The following CCDC171 variants were observed in gnomAD, a reference collection of about 807,000 sequenced individuals.
The protein encoded by CCDC171 is coiled-coil domain-containing protein 171.
Under a neutral mutation model 168.2 loss-of-function variants are expected in CCDC171, and 177 were observed. The observed-to-expected ratio is 1.05, with a 90% CI of 0.93 to 1.19. CCDC171 has a LOEUF of 1.19. Ranked by LOEUF, CCDC171 falls within the 50% of genes most tolerant of loss-of-function variation. The pLI is 0.00. For missense variants in CCDC171, 1,991 were observed against 1,539.0 expected (o/e 1.29, Z -4.91); for synonymous variants, 687 against 540.8 (o/e 1.27, Z -3.75).
At chr9:15,914,545 G>A (rs969233544) in intron 24 of CCDC171, among the ~76,000 whole-genome samples, 1 of 152,182 alleles carries the variant, frequency 6.6e-6, no homozygotes, top group Non-Finnish European at 1.5e-5. Flanking sequence ...TGTGCTGGCA[G>A]CGAGAATTTC....
intron 2 of CCDC171, among the ~76,000 whole-genome samples, chr9:15,566,602 T>G (rs2039751215): frequency 6.6e-6 from 1 of 152,162 alleles, no homozygotes; most frequent in Non-Finnish European, 1.5e-5. Flanking sequence ...TATGCAAACA[T>G]TTTTCTCCTG....
chr9:15,980,287 A>G (rs1831751102), intron 3 of CCDC171, among the ~76,000 whole-genome samples: 1 of 152,208 alleles, frequency 6.6e-6, no homozygotes, highest in Non-Finnish European at 1.5e-5. Flanking sequence ...TTCAAACAAC[A>G]ACTGGACTTT....
chr9:16,004,347 A>G (rs996068182), intron 3 of CCDC171, among the ~76,000 whole-genome samples: 6 of 152,326 alleles, frequency 3.9e-5, no homozygotes, highest in Admixed American at 6.5e-5. Flanking sequence ...AGAAAGAAAG[A>G]TGATTTTTTT....
intron 7 of CCDC171, among the ~76,000 whole-genome samples, chr9:15,639,095 A>C (rs1241407497): frequency 6.6e-6 from 1 of 152,060 alleles, no homozygotes. Flanking sequence ...CTTTCTCTAA[A>C]TGCGTACTAT....
downstream of CCDC171, among the ~76,000 whole-genome samples, chr9:16,064,183 GATAAC>G (rs1833966564): frequency 1.3e-5 from 2 of 152,154 alleles, no homozygotes; most frequent in African/African-American, 4.8e-5. Context: ...TTCCTGAAAG[GATAAC>G]AAAAGCATGC....
At chr9:15,977,617 G>T (rs1273501077), downstream of CCDC171, among the ~76,000 whole-genome samples, 2 of 152,176 alleles carry the variant, frequency 1.3e-5, no homozygotes, top group Non-Finnish European at 2.9e-5. Flanking sequence ...ATTGAGTCAT[G>T]GTTCATTGTC....
the CCDC171 span, among the ~76,000 whole-genome samples, chr9:16,102,877 A>C: frequency 6.6e-6 from 1 of 152,142 alleles, no homozygotes; most frequent in African/African-American, 2.4e-5. Flanking sequence ...GAATTATACA[A>C]ATGGACCTCT....
chr9:15,899,834 A>T (rs925462192), intron 24 of CCDC171, among the ~76,000 whole-genome samples: 1 of 152,056 alleles, frequency 6.6e-6, no homozygotes. Flanking sequence ...TTTCATGGCA[A>T]TAATTTTTAA....
intron 15 of CCDC171, 81 bp downstream of exon 15, chr9:15,728,117 C>T: frequency 9.7e-7 from 1 of 1,036,122 alleles, no homozygotes; most frequent in Non-Finnish European, 1.4e-6. Context: ...GAGGGGCTGA[C>T]ATTCATCTTA....
chr9:15,648,376 T>C (rs1043208260), intron 7 of CCDC171, among the ~76,000 whole-genome samples: 2 of 152,112 alleles, frequency 1.3e-5, no homozygotes, highest in Admixed American at 1.3e-4. Flanking sequence ...CTATTCAACA[T>C]AGTGTTGGAA....
rs535433604 is a variant in CCDC171, at chr9:15,900,084, C to G, written c.3601-20186C>G. 4.3e-4 allele frequency among the ~76,000 whole-genome samples: 66 copies of G among 152,258 alleles called. 1 individual carries two copies. In the South Asian group the frequency reaches 0.014, roughly 32 times the overall value. On this transcript the variant is annotated intron_variant, in intron 24 of 25. Coordinates refer to ENST00000380701, the MANE Select transcript of CCDC171 (RefSeq NM_173550.4). Reference sequence around the variant, plus strand: ...AGAATTCTAAGATGACCCCTTTGTCCTTTCCCATGTTGTACATCTGCTATA... The same window carrying G: ...AGAATTCTAAGATGACCCCTTTGTCGTTTCCCATGTTGTACATCTGCTATA...
chr9:15,995,237 A>C (rs1832335749), intron 3 of CCDC171, among the ~76,000 whole-genome samples: 1 of 152,234 alleles, frequency 6.6e-6, no homozygotes, highest in African/African-American at 2.4e-5. Flanking sequence ...CCATAACAGG[A>C]TTAATGAGAA....
intron 21 of CCDC171, among the ~76,000 whole-genome samples, chr9:15,802,930 GT>G (rs1377915012): frequency 6.6e-6 from 1 of 151,814 alleles, no homozygotes; most frequent in Non-Finnish European, 1.5e-5. Flanking sequence ...TGTTTTTTGA[GT>G]TTTTAGTAAT....
intron 1 of CCDC171, among the ~76,000 whole-genome samples, chr9:15,557,938 T>G (rs892124424): frequency 6.6e-6 from 1 of 152,174 alleles, no homozygotes; most frequent in African/African-American, 2.4e-5. Flanking sequence ...TTGAGAGTTT[T>G]TAGCATGAAG....
intron 6 of CCDC171, among the ~76,000 whole-genome samples, chr9:15,598,695 G>C (rs957897026): frequency 2.6e-5 from 4 of 152,046 alleles, no homozygotes; most frequent in Non-Finnish European, 5.9e-5. Context: ...TTCAATTCCT[G>C]GATATCCTTG....
At chr9:15,963,693 A>C (rs1830552595) in intron 25 of CCDC171, among the ~76,000 whole-genome samples, 1 of 152,080 alleles carries the variant, frequency 6.6e-6, no homozygotes, top group South Asian at 2.1e-4. Flanking sequence ...ACCTTTTCGT[A>C]TGTTTTTTGG....
Position 15,724,941 on chromosome 9 carries a change from C to T in CCDC171, c.1657C>T (p.Gln553Ter). The change falls in exon 14 of 26, where the codon CAG becomes TAG. Residue 553 changes from glutamine to a stop codon, truncating the protein, a stop_gained. Coordinates refer to ENST00000380701, the MANE Select transcript of CCDC171 (RefSeq NM_173550.4). LOFTEE classifies it high-confidence loss of function. ...AQAAQSESEL[Q>*]KLSQAFHKDA... ...GGCAGCCCAGTCTGAAAGTGAACTG[C>T]AGAAGCTTTCCCAGGCTTTCCATAA... is the stretch of plus-strand genomic sequence containing the variant. 2 of 1,613,886 alleles carry T rather than the reference C, an allele frequency of 1.2e-6. No homozygotes were observed. The highest frequency in any genetic ancestry group is 1.7e-6 in the Non-Finnish European group (2 of 1,179,834).
intron 2 of CCDC171, among the ~76,000 whole-genome samples, chr9:15,566,708 A>G (rs944637108): frequency 2.6e-5 from 4 of 152,182 alleles, no homozygotes; most frequent in Admixed American, 6.5e-5. Flanking sequence ...CTTTTCCTAT[A>G]GGAGTTGTGC....
chr9:15,772,524 G>A (rs1174509826), intron 18 of CCDC171, among the ~76,000 whole-genome samples: 1 of 152,184 alleles, frequency 6.6e-6, no homozygotes, highest in Non-Finnish European at 1.5e-5. Flanking sequence ...TTTACTCAGA[G>A]GGAATGCTTT....
Sources: allele counts gnomAD v4.1 joint callset (sites outside exome capture counted in the v4.1 genomes callset), GRCh38; gene constraint gnomAD v4.1.1; transcripts MANE v1.5; gene names NCBI Gene and HGNC (gene_info 2026-07-23, HGNC 2026-07-21).